Variants in ANXA10 observed in about 807,000 individuals in gnomAD.
The protein encoded by ANXA10 is annexin A10.
In ANXA10, 49 loss-of-function variants were observed where a neutral mutation model predicts 53.5. The observed-to-expected ratio is 0.92, with a 90% CI of 0.73 to 1.16. The LOEUF is 1.16. Ranked by LOEUF, ANXA10 falls within the 50% of genes most tolerant of loss-of-function variation. The probability of loss-of-function intolerance (pLI) is 0.00; values close to 1 mark genes in which losing one functional copy is unlikely to be tolerated. For missense variants in ANXA10, 393 were observed against 394.4 expected (o/e 1.00, Z 0.03); for synonymous variants, 131 against 128.9 (o/e 1.02, Z -0.11).
chr4:168,167,903 G>A (rs1731910423), intron 6 of ANXA10, among the ~76,000 whole-genome samples: 1 of 152,110 alleles, frequency 6.6e-6, no homozygotes. Flanking sequence ...ACTTTTCAAA[G>A]CCTCTTCAAG....
chr4:168,146,478 C>T (rs1476086960), intron 3 of ANXA10, among the ~76,000 whole-genome samples: 2 of 152,162 alleles, frequency 1.3e-5, no homozygotes, highest in Admixed American at 6.5e-5. Flanking sequence ...CCAGGAAAAA[C>T]GCAAGTCAAC....
chr4:168,102,989 A>G (rs1730665353), intron 1 of ANXA10, among the ~76,000 whole-genome samples: 1 of 152,038 alleles, frequency 6.6e-6, no homozygotes, highest in South Asian at 2.1e-4. Context: ...GTCATTGTGA[A>G]TGTGTTTGTT....
At chr4:168,095,597 A>G (rs1730529150) in intron 1 of ANXA10, among the ~76,000 whole-genome samples, 1 of 152,140 alleles carries the variant, frequency 6.6e-6, no homozygotes, top group African/African-American at 2.4e-5. Flanking sequence ...CTATAAGAAT[A>G]CCATTTAACA....
At chr4:168,157,893 G>A (rs1384588376) in intron 3 of ANXA10, among the ~76,000 whole-genome samples, 1 of 152,036 alleles carries the variant, frequency 6.6e-6, no homozygotes, top group African/African-American at 2.4e-5. Flanking sequence ...GGATTATTAT[G>A]AATAAATGTG....
intron 11 of ANXA10, among the ~76,000 whole-genome samples, chr4:168,186,611 C>T (rs539612818): frequency 9.8e-5 from 15 of 152,286 alleles, no homozygotes; most frequent in African/African-American, 3.1e-4. Context: ...TTGATCTTGG[C>T]CTTGCCAGCC....
chr4:168,134,674 G>C (rs1172707082), intron 2 of ANXA10, among the ~76,000 whole-genome samples: 1 of 152,110 alleles, frequency 6.6e-6, no homozygotes, highest in Non-Finnish European at 1.5e-5. Context: ...GTCTTAACCA[G>C]GCTTGAGCCA....
intron 6 of ANXA10, among the ~76,000 whole-genome samples, chr4:168,171,496 C>T (rs1017313305): frequency 6.6e-6 from 1 of 152,140 alleles, no homozygotes; most frequent in Admixed American, 6.5e-5. Context: ...ATATTTTTAA[C>T]ATCACTAAAA....
intron 1 of ANXA10, among the ~76,000 whole-genome samples, chr4:168,106,779 G>A (rs1730726714): frequency 6.6e-6 from 1 of 152,128 alleles, no homozygotes; most frequent in South Asian, 2.1e-4. Context: ...ACAATGTCCA[G>A]AGAAAGTAAT....
At chr4:168,140,219 A>C (rs1398109002) in intron 3 of ANXA10, among the ~76,000 whole-genome samples, 1 of 152,206 alleles carries the variant, frequency 6.6e-6, no homozygotes, top group East Asian at 1.9e-4. Context: ...TCAGAACAAA[A>C]ACTCTTCAGG....
intron 6 of ANXA10, among the ~76,000 whole-genome samples, chr4:168,167,665 AAACTT>A (rs1384325029): frequency 1.3e-5 from 2 of 152,190 alleles, no homozygotes; most frequent in African/African-American, 4.8e-5. Flanking sequence ...GGATCTCTAA[AAACTT>A]AGAAGAGTTG....
In ANXA10 at chr4:168,130,912, T is replaced by C. The variant is rs1731146452; in HGVS notation, c.100+2747T>C. ...TTTCCTTAACCTAGCTAAAGCCCTATAAATTTTATTGATGTTTCCCCCAAA... is the reference window on the plus strand; with the variant it reads ...TTTCCTTAACCTAGCTAAAGCCCTACAAATTTTATTGATGTTTCCCCCAAA... On this transcript the variant is annotated intron_variant, in intron 2 of 11. Transcript: ENST00000359299. Among the ~76,000 whole-genome samples the C allele has an allele frequency of 4.6e-5, 7 of 151,902 alleles. No homozygotes were observed. In the South Asian group the frequency reaches 1.2e-3, roughly 27 times the overall value.
intron 2 of ANXA10, among the ~76,000 whole-genome samples, chr4:168,134,967 AT>A (rs1238479423): frequency 1.3e-5 from 2 of 152,230 alleles, no homozygotes; most frequent in African/African-American, 4.8e-5. Context: ...AAAAAAGATG[AT>A]TTGCTTAACA....
intron 1 of ANXA10, among the ~76,000 whole-genome samples, chr4:168,114,932 G>A (rs1354171796): frequency 2.0e-5 from 3 of 151,878 alleles, no homozygotes; most frequent in African/African-American, 7.3e-5. Context: ...TTGTAGACTA[G>A]GCTGGAGTGC....
At chr4:168,158,698 C>T (rs1487438394) in intron 3 of ANXA10, among the ~76,000 whole-genome samples, 1 of 152,084 alleles carries the variant, frequency 6.6e-6, no homozygotes, top group Non-Finnish European at 1.5e-5. Flanking sequence ...TGTAAATGCC[C>T]TCTATCAGTT....
rs1294661310 is a variant in ANXA10, at chr4:168,179,205, A to G, written c.629-12A>G. On this transcript the variant is annotated splice_polypyrimidine_tract_variant and intron_variant, in intron 8 of 11. Coordinates refer to ENST00000359299, the MANE Select transcript of ANXA10 (RefSeq NM_007193.5). ...TTCAAAATCTCCTTTGAATTACATC[A>G]ATTTGTTAAAGTTTTCCAGGAATTT... 1.3e-6 allele frequency: 2 copies of G among 1,526,338 alleles called. No individual in the cohort carries two copies. Among genetic ancestry groups the G allele is most frequent in the Non-Finnish European group, 9.0e-7 (1 of 1,105,322 alleles). 94.5% of individuals were successfully genotyped at this position (1,526,338 alleles called of 1,614,324 possible). A position where few individuals can be genotyped will look rare whatever the true frequency, so the allele number is the denominator to read the frequency against.
intron 1 of ANXA10, among the ~76,000 whole-genome samples, chr4:168,105,182 G>C (rs1247137456): frequency 6.6e-6 from 1 of 151,632 alleles, no homozygotes; most frequent in Non-Finnish European, 1.5e-5. Flanking sequence ...CTCGTGTCAT[G>C]GGAGTTCATT....
At chr4:168,157,257 T>C (rs772564747) in intron 3 of ANXA10, among the ~76,000 whole-genome samples, 42 of 151,722 alleles carry the variant, frequency 2.8e-4, no homozygotes, top group Non-Finnish European at 5.2e-4. Flanking sequence ...AAGGTATAGA[T>C]CATTTCTTTA....
intron 3 of ANXA10, among the ~76,000 whole-genome samples, chr4:168,152,014 G>A (rs1352373483): frequency 1.3e-5 from 2 of 152,270 alleles, no homozygotes; most frequent in African/African-American, 2.4e-5. Flanking sequence ...TGTAAGTGAC[G>A]ACTATGTAAC....
chr4:168,105,207 G>C (rs1294738313), intron 1 of ANXA10, among the ~76,000 whole-genome samples: 1 of 151,648 alleles, frequency 6.6e-6, no homozygotes, highest in East Asian at 1.9e-4. Flanking sequence ...AGATTACTTT[G>C]TGACTCAGGT....
Sources: gnomAD v4.1 joint callset for allele counts (sites outside exome capture counted in the v4.1 genomes callset) on GRCh38, gnomAD v4.1.1 for gene constraint, MANE v1.5 for transcripts, NCBI Gene and HGNC (gene_info 2026-07-23, HGNC 2026-07-21) for gene names.